Variants in PLS1 observed in about 807,000 individuals in gnomAD.
PLS1 encodes the protein plastin 1.
PLS1 carries 32 observed loss-of-function variants against 73.7 expected under a neutral mutation model. That is an observed-to-expected ratio of 0.43 (90% confidence interval 0.33 to 0.58). PLS1 has a LOEUF of 0.58. PLS1 is among the 20% of genes least tolerant of loss of function. The pLI, the probability that PLS1 is intolerant of heterozygous loss-of-function variation, is 0.04. For synonymous variants in PLS1, 217 were observed against 261.3 expected (o/e 0.83, Z 1.63); for missense variants, 633 against 740.5 (o/e 0.85, Z 1.68).
intron 2 of PLS1, among the ~76,000 whole-genome samples, chr3:142,667,155 G>A (rs1229596552): frequency 8.5e-5 from 13 of 152,142 alleles, no homozygotes; most frequent in Non-Finnish European, 1.5e-5. Context: ...GGTGGCTCAC[G>A]CCTGTAATCC....
intron 9 of PLS1, among the ~76,000 whole-genome samples, chr3:142,689,379 C>T (rs539178085): frequency 9.2e-5 from 14 of 151,898 alleles, no homozygotes; most frequent in East Asian, 3.9e-4. Flanking sequence ...GCCAAGATCA[C>T]GCCACTGCAC....
chr3:142,651,496 A>G (rs796558973), intron 1 of PLS1, among the ~76,000 whole-genome samples: 10 of 150,850 alleles, frequency 6.6e-5, no homozygotes, highest in African/African-American at 2.4e-4. Context: ...AACCCAAAAA[A>G]CAAAGAGATG....
chr3:142,681,267 TTGAG>T (rs1395988233), intron 6 of PLS1, among the ~76,000 whole-genome samples: 3 of 152,010 alleles, frequency 2.0e-5, no homozygotes, highest in Non-Finnish European at 4.4e-5. Context: ...GTATTTCAGA[TTGAG>T]TGACCAAAAA....
chr3:142,630,518 C>T (rs1414057836), intron 1 of PLS1, among the ~76,000 whole-genome samples: 1 of 151,614 alleles, frequency 6.6e-6, no homozygotes, highest in Non-Finnish European at 1.5e-5. Context: ...TTTGGGAGGC[C>T]GAGGTGGGCA....
intron 1 of PLS1, among the ~76,000 whole-genome samples, chr3:142,661,376 C>T (rs899156752): frequency 6.6e-6 from 1 of 151,950 alleles, no homozygotes; most frequent in Non-Finnish European, 1.5e-5. Flanking sequence ...AATTAAATAG[C>T]GGACAATAGT....
chr3:142,622,281 A>G (rs1007420003), intron 1 of PLS1, among the ~76,000 whole-genome samples: 6 of 152,184 alleles, frequency 3.9e-5, no homozygotes, highest in African/African-American at 1.4e-4. Context: ...GATATGCTAG[A>G]CTGTACCCAT....
intron 9 of PLS1, among the ~76,000 whole-genome samples, chr3:142,688,724 T>C (rs150455543): frequency 6.6e-5 from 10 of 152,356 alleles, no homozygotes; most frequent in African/African-American, 2.4e-4. Flanking sequence ...AGTACTTCTT[T>C]TTGGCCTTGT....
At chr3:142,610,549 A>T (rs372650246) in intron 1 of PLS1, among the ~76,000 whole-genome samples, 4 of 152,194 alleles carry the variant, frequency 2.6e-5, no homozygotes, top group East Asian at 1.9e-4. Flanking sequence ...TTTTTTCCCA[A>T]ATGAATTTTC....
chr3:142,608,362 T>C (rs993453824), intron 1 of PLS1, among the ~76,000 whole-genome samples: 3 of 152,238 alleles, frequency 2.0e-5, no homozygotes, highest in Admixed American at 6.5e-5. Flanking sequence ...GAATGTTGTT[T>C]TGCTTGTAAT....
chr3:142,686,297 A>G lies in PLS1; in HGVS notation c.902A>G (p.Tyr301Cys), dbSNP rs202063528. ...FSQDIKDSRA[Y>C]FHLLNQIAPK... ...CTTTCCTTGAAGGACTCGAGAGCCT[A>G]TTTTCATCTGCTTAATCAGATTGCC... Residue 301 changes from tyrosine to cysteine, a missense_variant, in exon 9 of 16, where the codon TAT becomes TGT. Transcript: ENST00000457734. 8.1e-6 allele frequency: 13 copies of G among 1,601,328 alleles called. No individual in the cohort carries two copies. In the East Asian group the frequency reaches 1.3e-4, roughly 16 times the overall value.
chr3:142,603,608 G>A (rs941043802), intron 1 of PLS1, among the ~76,000 whole-genome samples: 1 of 151,748 alleles, frequency 6.6e-6, no homozygotes, highest in Non-Finnish European at 1.5e-5. Flanking sequence ...GCAAAACATC[G>A]TCTCTACAAA....
At chr3:142,711,762 C>A in intron 15 of PLS1, 110 bp from the exon 16 acceptor site, 1 of 1,388,406 alleles carries the variant, frequency 7.2e-7, no homozygotes, top group Non-Finnish European at 1.0e-6. Context: ...GACTCACAAA[C>A]TTAACCTTTT....
chr3:142,672,901 A>G (rs978991054), intron 4 of PLS1, among the ~76,000 whole-genome samples: 1 of 152,082 alleles, frequency 6.6e-6, no homozygotes, highest in Non-Finnish European at 1.5e-5. Context: ...GAAGAACACT[A>G]TATTCATTAT....
intron 1 of PLS1, among the ~76,000 whole-genome samples, chr3:142,602,428 T>G (rs2035943327): frequency 6.6e-6 from 1 of 152,092 alleles, no homozygotes; most frequent in South Asian, 2.1e-4. Context: ...GGATCATGAC[T>G]CTAATCTTAG....
chr3:142,682,501 G>A (rs557738144), intron 6 of PLS1, among the ~76,000 whole-genome samples: 1 of 152,136 alleles, frequency 6.6e-6, no homozygotes, highest in Non-Finnish European at 1.5e-5. Context: ...TACTAGTATT[G>A]CAATCAATTT....
At chr3:142,645,235 T>TCTA (rs1366103851) in intron 1 of PLS1, 2 of 152,208 alleles carry the variant, frequency 1.3e-5, no homozygotes, top group Admixed American at 6.5e-5. Flanking sequence ...AGGAAATACT[T>TCTA]CTATGAATCC....
chr3:142,603,291 TGTG>T (rs2035958939), intron 1 of PLS1, among the ~76,000 whole-genome samples: 1 of 152,220 alleles, frequency 6.6e-6, no homozygotes, highest in African/African-American at 2.4e-5. Context: ...ATAGTAATAT[TGTG>T]GGCACAGAAA....
intron 14 of PLS1, among the ~76,000 whole-genome samples, chr3:142,707,369 A>T (rs939524555): frequency 6.6e-6 from 1 of 152,056 alleles, no homozygotes; most frequent in Non-Finnish European, 1.5e-5. Flanking sequence ...TTCCCTTGCT[A>T]AGAAGACAGA....
At chr3:142,674,815 G>A (rs1222383911) in intron 4 of PLS1, among the ~76,000 whole-genome samples, 1 of 151,928 alleles carries the variant, frequency 6.6e-6, no homozygotes, top group Non-Finnish European at 1.5e-5. Context: ...TGCAACCTCC[G>A]TCTCCCAGAT....
Sources: allele counts gnomAD v4.1 joint callset (sites outside exome capture counted in the v4.1 genomes callset), GRCh38; gene constraint gnomAD v4.1.1; transcripts MANE v1.5; gene names NCBI Gene and HGNC (gene_info 2026-07-23, HGNC 2026-07-21).